NRXN3: variants seen among roughly 807,000 people sequenced by gnomAD.
The protein encoded by NRXN3 is neurexin 3.
Under a neutral mutation model 137.6 loss-of-function variants are expected in NRXN3, and 32 were observed. That is an observed-to-expected ratio of 0.23 (90% CI 0.18 to 0.31). The LOEUF (loss-of-function observed/expected upper bound fraction) is 0.31. Among genes scored for constraint, NRXN3 ranks in the 10% least tolerant of loss-of-function variants. NRXN3 has a pLI of 1.00. For missense variants in NRXN3, 1,574 were observed against 2,062.5 expected, an observed-to-expected ratio of 0.76 and a Z score of 4.59; for synonymous variants, 798 against 784.5, an observed-to-expected ratio of 1.02 and a Z score of -0.29.
chr14:79,864,024 AAGAC>A lies in NRXN3; in HGVS notation c.*2063_*2066del, dbSNP rs1285572628. 6.6e-6 allele frequency: 1 copy of A among 152,602 alleles called. No individual in the cohort carries two copies. The highest frequency in any genetic ancestry group is 6.5e-5 in the Admixed American group (1 of 15,288). 9.5% of individuals were successfully genotyped at this position (152,602 alleles called of 1,614,324 possible). A position where few individuals can be genotyped will look rare whatever the true frequency, so the allele number is the denominator to read the frequency against. ...TTTAATTTTTTTGTTATCATTAAAA[AAGAC>A]AGGATTATAAAGAGATATCAAAGCA... On this transcript the variant is annotated 3_prime_UTR_variant, in exon 21 of 21. Transcript: ENST00000335750.
intron 20 of NRXN3, among the ~76,000 whole-genome samples, chr14:79,837,691 T>G (rs1273137550): frequency 1.3e-5 from 2 of 152,158 alleles, no homozygotes; most frequent in Non-Finnish European, 2.9e-5. Context: ...GTGTCAAAGT[T>G]TTTCTCTAGA....
chr14:79,113,290 C>A lies in NRXN3; in HGVS notation c.3262+125149C>A, dbSNP rs147073115. ...GTTGTATATTATTAAAAAAAATTAT[C>A]CAACTCCAGAAGAAGTATACTGGGG... On this transcript the variant is annotated intron_variant, in intron 15 of 20. Coordinates refer to ENST00000335750, the MANE Select transcript of NRXN3 (RefSeq NM_001330195.2). Among the ~76,000 whole-genome samples, 901 of 152,206 alleles carry A rather than the reference C, an allele frequency of 5.9e-3. 5 individuals carry two copies. The highest frequency in any genetic ancestry group is 0.017 in the African/African-American group (725 of 41,538).
intron 10 of NRXN3, among the ~76,000 whole-genome samples, chr14:78,949,742 AG>A (rs2152941577): frequency 1.3e-5 from 2 of 152,304 alleles, no homozygotes; most frequent in South Asian, 2.1e-4. Context: ...AGGTTATAAA[AG>A]TAATAGAGGG....
intron 10 of NRXN3, among the ~76,000 whole-genome samples, chr14:78,883,770 C>G (rs2099135725): frequency 6.6e-6 from 1 of 152,180 alleles, no homozygotes; most frequent in Non-Finnish European, 1.5e-5. Context: ...AGAGCTTACT[C>G]CAGCCCAGGT....
chr14:78,879,961 C>T (rs558785378), intron 10 of NRXN3, among the ~76,000 whole-genome samples: 94 of 151,260 alleles, frequency 6.2e-4, no homozygotes, highest in Middle Eastern at 3.4e-3. Flanking sequence ...AGAATTGGGC[C>T]GGGCGCGGTG....
At chr14:79,680,022 G>A (rs1436236957) in intron 17 of NRXN3, among the ~76,000 whole-genome samples, 2 of 152,066 alleles carry the variant, frequency 1.3e-5, no homozygotes, top group African/African-American at 4.8e-5. Context: ...TTACTCTAGA[G>A]TCTATCTTTG....
chr14:78,675,858 G>A (rs896369136), intron 6 of NRXN3, among the ~76,000 whole-genome samples: 3 of 152,150 alleles, frequency 2.0e-5, no homozygotes, highest in African/African-American at 7.2e-5. Flanking sequence ...TTCCAACAGC[G>A]TGTGCTGACT....
At chr14:79,473,019 T>TA (rs2096528540) in intron 16 of NRXN3, among the ~76,000 whole-genome samples, 2 of 152,220 alleles carry the variant, frequency 1.3e-5, no homozygotes, top group South Asian at 4.1e-4. Flanking sequence ...ATTCATTTTT[T>TA]AATTATGAGC....
intron 16 of NRXN3, among the ~76,000 whole-genome samples, chr14:79,477,195 GA>G (rs963856606): frequency 6.6e-6 from 1 of 151,952 alleles, no homozygotes; most frequent in African/African-American, 2.4e-5. Context: ...ACCTGATGAA[GA>G]TACCAGCATG....
At chr14:79,770,019 G>C (rs1240178680) in intron 19 of NRXN3, among the ~76,000 whole-genome samples, 10 of 151,886 alleles carry the variant, frequency 6.6e-5, no homozygotes, top group Non-Finnish European at 1.3e-4. Flanking sequence ...GATCAAAAGA[G>C]ACAAAGAAGG....
At chr14:78,349,091 G>A (rs1468070928) in intron 4 of NRXN3, among the ~76,000 whole-genome samples, 2 of 152,184 alleles carry the variant, frequency 1.3e-5, no homozygotes, top group Admixed American at 6.5e-5. Context: ...TTACCATGTG[G>A]TGCCTTTAGA....
At chr14:78,884,393 A>G (rs1241166971) in intron 10 of NRXN3, among the ~76,000 whole-genome samples, 1 of 152,176 alleles carries the variant, frequency 6.6e-6, no homozygotes, top group Non-Finnish European at 1.5e-5. Context: ...TATTTGATCT[A>G]TGAACTTTGT....
intron 10 of NRXN3, among the ~76,000 whole-genome samples, chr14:78,862,270 A>AG (rs754248743): frequency 0.23 from 34,951 of 149,068 alleles, 7,112 homozygotes; most frequent in African/African-American, 0.55. Flanking sequence ...ATAGATAGAT[A>AG]AATAGATAGA....
chr14:79,706,036 T>C (rs2098777248), intron 19 of NRXN3, among the ~76,000 whole-genome samples: 1 of 152,124 alleles, frequency 6.6e-6, no homozygotes, highest in African/African-American at 2.4e-5. Context: ...CCACACAATA[T>C]TTACAGGCTG....
At chr14:78,409,309 A>G (rs1170607161) in intron 4 of NRXN3, among the ~76,000 whole-genome samples, 1 of 51,064 alleles carries the variant, frequency 2.0e-5, no homozygotes, top group African/African-American at 6.2e-5. Flanking sequence ...TAAGACTCTT[A>G]ACCCTGTTTT....
chr14:79,706,419 C>CTTTT (rs919138966), intron 19 of NRXN3, among the ~76,000 whole-genome samples: 21 of 115,988 alleles, frequency 1.8e-4, no homozygotes, highest in South Asian at 2.9e-4. Flanking sequence ...GGCTTTTTTA[C>CTTTT]TTTTTTTTTT....
chr14:79,612,823 C>G (rs1346497944), intron 16 of NRXN3, among the ~76,000 whole-genome samples: 1 of 152,108 alleles, frequency 6.6e-6, no homozygotes, highest in African/African-American at 2.4e-5. Flanking sequence ...TGCAGCCTAA[C>G]TGACAGAGCA....
intron 2 of NRXN3, among the ~76,000 whole-genome samples, chr14:78,273,722 G>A (rs1285828700): frequency 3.3e-5 from 5 of 152,166 alleles, no homozygotes; most frequent in Admixed American, 6.5e-5. Context: ...AAAAGTGGGG[G>A]CAGATTGCAG....
intron 15 of NRXN3, among the ~76,000 whole-genome samples, chr14:78,998,584 G>A (rs955207824): frequency 1.3e-5 from 2 of 150,126 alleles, no homozygotes; most frequent in African/African-American, 5.0e-5. Context: ...GTTTCTGTTA[G>A]GAGGGCTACA....
Sources: allele counts gnomAD v4.1 joint callset (sites outside exome capture counted in the v4.1 genomes callset), GRCh38; gene constraint gnomAD v4.1.1; transcripts MANE v1.5; gene names NCBI Gene and HGNC (gene_info 2026-07-23, HGNC 2026-07-21).